The following CMIP variants were observed in gnomAD, a reference collection of about 807,000 sequenced individuals.
CMIP encodes C-Maf-inducing protein.
In CMIP, 13 loss-of-function variants were observed where a neutral mutation model predicts 97.3. The ratio of observed to expected loss-of-function variants is 0.13; its 90% CI spans 0.09 to 0.21. The LOEUF is 0.21. Ranked by LOEUF, CMIP falls within the 10% of genes least tolerant of loss-of-function variation. The pLI, the probability that CMIP is intolerant of heterozygous loss-of-function variation, is 1.00. For synonymous variants in CMIP, 538 were observed against 436.3 expected, an observed-to-expected ratio of 1.23 and a Z score of -2.91; for missense variants, 847 against 1,024.9, an observed-to-expected ratio of 0.83 and a Z score of 2.37.
chr16:81,611,142 C>G (rs368838132), intron 2 of CMIP, among the ~76,000 whole-genome samples: 1 of 152,198 alleles, frequency 6.6e-6, no homozygotes, highest in African/African-American at 2.4e-5. Flanking sequence ...TCCTCAGTCC[C>G]GTTAGCTACA....
intron 1 of CMIP, among the ~76,000 whole-genome samples, chr16:81,553,041 G>T (rs1476385954): frequency 6.6e-6 from 1 of 152,234 alleles, no homozygotes; most frequent in East Asian, 1.9e-4. Context: ...GGGGATTGAG[G>T]AGGAGTTAGG....
chr16:81,644,331 G>T (rs144305356), intron 3 of CMIP, among the ~76,000 whole-genome samples: 60 of 152,298 alleles, frequency 3.9e-4, no homozygotes, highest in African/African-American at 1.3e-3. Context: ...CTGATTTTGT[G>T]ACATGGATTG....
intron 1 of CMIP, among the ~76,000 whole-genome samples, chr16:81,546,217 TC>T (rs1436040730): frequency 6.6e-6 from 1 of 152,118 alleles, no homozygotes; most frequent in Non-Finnish European, 1.5e-5. Flanking sequence ...GGAATCCCGA[TC>T]CTTCTCTCTG....
rs1191792265 is a variant in CMIP at position 81,615,590 on chromosome 16, G to C, written c.427-5286G>C. 2.8e-5 allele frequency among the ~76,000 whole-genome samples: 4 copies of C among 141,634 alleles called. 1 individual carries two copies. The highest frequency in any genetic ancestry group is 6.2e-5 in the Non-Finnish European group (4 of 64,824). The allele number at this position is 141,634 out of a possible 152,430, so 92.9% of individuals were successfully genotyped here. A position where few individuals can be genotyped will look rare whatever the true frequency, so the allele number is the denominator to read the frequency against. On this transcript the variant is annotated intron_variant, in intron 2 of 20. Coordinates refer to ENST00000537098, the MANE Select transcript of CMIP (RefSeq NM_198390.3). ...GCGTGTGTGTATAGTGTGTGTGTCT[G>C]TGTGTGTGGTGTATGTGTCTTTGTG... is the stretch of plus-strand genomic sequence containing the variant.
chr16:81,636,117 T>G (rs1326819970), intron 3 of CMIP, among the ~76,000 whole-genome samples: 1 of 152,070 alleles, frequency 6.6e-6, no homozygotes, highest in African/African-American at 2.4e-5. Flanking sequence ...TGTGGGTGTG[T>G]GTGTGCACCA....
intron 1 of CMIP, among the ~76,000 whole-genome samples, chr16:81,601,884 G>C (rs141019639): frequency 6.6e-6 from 1 of 152,324 alleles, no homozygotes; most frequent in African/African-American, 2.4e-5. Context: ...GCCCTGTCAA[G>C]CTGGTGGCCC....
intron 1 of CMIP, among the ~76,000 whole-genome samples, chr16:81,486,215 C>G (rs1023549381): frequency 2.6e-5 from 4 of 152,224 alleles, no homozygotes; most frequent in African/African-American, 9.6e-5. Flanking sequence ...CAGGCTTTCT[C>G]AGAGATATTC....
At chr16:81,448,680 G>A (rs1171003033) in intron 1 of CMIP, among the ~76,000 whole-genome samples, 1 of 152,232 alleles carries the variant, frequency 6.6e-6, no homozygotes, top group Non-Finnish European at 1.5e-5. Context: ...TGTGACGGCC[G>A]CCAGGTCTGA....
intron 9 of CMIP, among the ~76,000 whole-genome samples, chr16:81,674,257 A>G (rs2092708616): frequency 6.6e-6 from 1 of 152,150 alleles, no homozygotes; most frequent in South Asian, 2.1e-4. Flanking sequence ...GGTGAGGCAA[A>G]AAGAGGAGAA....
intron 3 of CMIP, among the ~76,000 whole-genome samples, chr16:81,643,959 G>A (rs749687610): frequency 3.3e-5 from 5 of 152,118 alleles, no homozygotes; most frequent in African/African-American, 9.7e-5. Flanking sequence ...TAAAGCCCCT[G>A]TGTGATTCCC....
intron 3 of CMIP, among the ~76,000 whole-genome samples, chr16:81,642,280 G>C (rs1464652186): frequency 6.6e-6 from 1 of 152,168 alleles, no homozygotes; most frequent in African/African-American, 2.4e-5. Context: ...TGCAGGGGCT[G>C]GTTTGTCTCA....
intron 1 of CMIP, chr16:81,517,901 A>T: frequency 1.0e-6 from 1 of 981,502 alleles, no homozygotes; most frequent in Non-Finnish European, 1.2e-6. Context: ...TCTCTTTTCA[A>T]TGTGGACCTC....
intron 9 of CMIP, among the ~76,000 whole-genome samples, chr16:81,674,016 C>T (rs559412174): frequency 2.6e-5 from 4 of 152,194 alleles, no homozygotes; most frequent in African/African-American, 7.2e-5. Context: ...CTGAGTTCTT[C>T]GGAGGGGCAG....
At chr16:81,603,789 G>C (rs2091696947) in intron 1 of CMIP, among the ~76,000 whole-genome samples, 1 of 152,208 alleles carries the variant, frequency 6.6e-6, no homozygotes, top group African/African-American at 2.4e-5. Flanking sequence ...TTGGGTTATG[G>C]GTTTGGGGAG....
intron 1 of CMIP, among the ~76,000 whole-genome samples, chr16:81,452,887 T>G (rs1265916516): frequency 2.0e-4 from 8 of 40,740 alleles, no homozygotes; most frequent in East Asian, 1.2e-3. Context: ...TTTGTTTTGT[T>G]TTTTTTTTTT....
chr16:81,572,121 G>A (rs2091102655), intron 1 of CMIP, among the ~76,000 whole-genome samples: 1 of 152,216 alleles, frequency 6.6e-6, no homozygotes, highest in African/African-American at 2.4e-5. Context: ...TCTCCCGGGG[G>A]CTCTTTTGCA....
At chr16:81,669,525 C>T (rs1384697870) in intron 7 of CMIP, among the ~76,000 whole-genome samples, 1 of 145,544 alleles carries the variant, frequency 6.9e-6, no homozygotes, top group Non-Finnish European at 1.5e-5. Context: ...CCACACCCAC[C>T]TCTCACACTC....
chr16:81,708,175 G>C (rs1338306707), intron 20 of CMIP, among the ~76,000 whole-genome samples: 2 of 152,234 alleles, frequency 1.3e-5, no homozygotes, highest in African/African-American at 2.4e-5. Flanking sequence ...GGGACAGTCG[G>C]TAGAGAGCGA....
At chr16:81,529,121 T>C (rs1225551604) in intron 1 of CMIP, among the ~76,000 whole-genome samples, 2 of 152,188 alleles carry the variant, frequency 1.3e-5, no homozygotes, top group Admixed American at 6.5e-5. Flanking sequence ...AATGATTAAA[T>C]AGTTATTCAT....
Sources: gnomAD v4.1 joint callset for allele counts (sites outside exome capture counted in the v4.1 genomes callset) on GRCh38, gnomAD v4.1.1 for gene constraint, MANE v1.5 for transcripts, NCBI Gene and HGNC (gene_info 2026-07-23, HGNC 2026-07-21) for gene names.